The following RBFOX1 variants were observed in gnomAD, a reference collection of about 807,000 sequenced individuals.
RBFOX1 encodes the protein RNA binding protein fox-1 homolog 1.
RBFOX1 carries 8 observed loss-of-function variants against 57.7 expected under a neutral mutation model. The ratio of observed to expected loss-of-function variants is 0.14; its 90% CI spans 0.08 to 0.25. The LOEUF (loss-of-function observed/expected upper bound fraction) is 0.25, where lower values mean the gene tolerates loss of function less well. Among genes scored for constraint, RBFOX1 ranks in the 10% least tolerant of loss-of-function variants. RBFOX1 has a pLI of 1.00. For missense variants in RBFOX1, 611 were observed against 548.5 expected (o/e 1.11, Z -1.14); for synonymous variants, 326 against 222.4 (o/e 1.47, Z -4.15).
chr16:7,466,376 A>C (rs2060522452), intron 4 of RBFOX1, among the ~76,000 whole-genome samples: 1 of 152,212 alleles, frequency 6.6e-6, no homozygotes, highest in African/African-American at 2.4e-5. Context: ...TAACTGCATT[A>C]TCTCATTAAA....
intron 3 of RBFOX1, among the ~76,000 whole-genome samples, chr16:5,638,642 C>T (rs1206957986): frequency 6.6e-6 from 1 of 152,108 alleles, no homozygotes; most frequent in African/African-American, 2.4e-5. Flanking sequence ...AGTTTTTATT[C>T]ACTGTAGATT....
At chr16:6,786,117 T>A (rs2154242113) in intron 3 of RBFOX1, among the ~76,000 whole-genome samples, 1 of 152,238 alleles carries the variant, frequency 6.6e-6, no homozygotes, top group South Asian at 2.1e-4. Flanking sequence ...TTGGCAAAAG[T>A]CTGCATGACT....
chr16:7,589,415 A>G (rs977577787), intron 7 of RBFOX1, among the ~76,000 whole-genome samples: 40 of 152,280 alleles, frequency 2.6e-4, no homozygotes, highest in African/African-American at 9.1e-4. Context: ...CGTCATTCCC[A>G]TGATTAGCCT....
intron 2 of RBFOX1, among the ~76,000 whole-genome samples, chr16:6,579,532 G>C (rs1407076113): frequency 1.3e-5 from 2 of 152,106 alleles, no homozygotes; most frequent in South Asian, 2.1e-4. Context: ...AAACCTAATG[G>C]TTTTGTAACG....
At chr16:7,396,482 C>T (rs115010011) in intron 4 of RBFOX1, among the ~76,000 whole-genome samples, 1,825 of 152,316 alleles carry the variant, frequency 0.012, 37 homozygotes, top group African/African-American at 0.042. Flanking sequence ...CTTCCCTACA[C>T]GTCCTGATTC....
At chr16:7,527,943 T>A (rs2079068478) in intron 5 of RBFOX1, among the ~76,000 whole-genome samples, 1 of 152,242 alleles carries the variant, frequency 6.6e-6, no homozygotes, top group Non-Finnish European at 1.5e-5. Context: ...TTCCGAGATT[T>A]ATTTTAAAGG....
intron 2 of RBFOX1, among the ~76,000 whole-genome samples, chr16:6,450,816 T>C (rs58919972): frequency 0.32 from 6,959 of 21,884 alleles, 1,574 homozygotes; most frequent in African/African-American, 0.37. Context: ...TATATATATA[T>C]ACATATATAT....
chr16:6,347,683 T>C (rs2085613114), intron 2 of RBFOX1, among the ~76,000 whole-genome samples: 1 of 152,190 alleles, frequency 6.6e-6, no homozygotes, highest in African/African-American at 2.4e-5. Flanking sequence ...CAACAATTAT[T>C]ATATCCTATG....
chr16:7,143,114 C>T (rs1267774955), intron 4 of RBFOX1, among the ~76,000 whole-genome samples: 1 of 151,898 alleles, frequency 6.6e-6, no homozygotes, highest in Non-Finnish European at 1.5e-5. Context: ...AAAATGTTTT[C>T]CATTTATTTT....
At chr16:6,859,130 C>CTTATATATATGT (rs1238966168) in intron 3 of RBFOX1, among the ~76,000 whole-genome samples, 2 of 82,480 alleles carry the variant, frequency 2.4e-5, no homozygotes, top group Admixed American at 1.4e-4. Context: ...TATATATATA[C>CTTATATATATGT]ATATATATAC....
At chr16:7,489,475 G>A (rs891997185) in intron 4 of RBFOX1, among the ~76,000 whole-genome samples, 2 of 151,448 alleles carry the variant, frequency 1.3e-5, no homozygotes, top group African/African-American at 4.9e-5. Context: ...CTATTTTGGA[G>A]ATTAAAAAAC....
At chr16:5,901,521 C>G (rs2058304730) in intron 4 of RBFOX1, among the ~76,000 whole-genome samples, 1 of 152,136 alleles carries the variant, frequency 6.6e-6, no homozygotes, top group South Asian at 2.1e-4. Flanking sequence ...ATGGTAGCCA[C>G]TCAATGCATG....
chr16:6,193,356 TTATATATA>T (rs61247347), intron 1 of RBFOX1, among the ~76,000 whole-genome samples: 1 of 64,584 alleles, frequency 1.5e-5, no homozygotes, highest in African/African-American at 4.6e-5. Flanking sequence ...TATATATACA[TTATATATA>T]TATATATATA....
chr16:6,894,140 ATGAT>A (rs1433451093), intron 3 of RBFOX1, among the ~76,000 whole-genome samples: 1 of 152,244 alleles, frequency 6.6e-6, no homozygotes, highest in African/African-American at 2.4e-5. Context: ...CAGAGATAGA[ATGAT>A]CTATAATTGC....
At chr16:5,518,240 A>G (rs2043868098) in intron 2 of RBFOX1, among the ~76,000 whole-genome samples, 1 of 152,190 alleles carries the variant, frequency 6.6e-6, no homozygotes, top group South Asian at 2.1e-4. Context: ...CTTCTCATAA[A>G]GTGCATCGTA....
chr16:6,947,816 G>T (rs772288520), intron 3 of RBFOX1, among the ~76,000 whole-genome samples: 1 of 151,972 alleles, frequency 6.6e-6, no homozygotes, highest in Non-Finnish European at 1.5e-5. Context: ...TTGCTCTGTC[G>T]CTCAAGCTGC....
chr16:6,904,313 T>G (rs958245011), intron 3 of RBFOX1, among the ~76,000 whole-genome samples: 3 of 151,984 alleles, frequency 2.0e-5, no homozygotes, highest in African/African-American at 7.3e-5. Context: ...AACCCATCCA[T>G]CTTTAGGCCA....
chr16:6,423,252 A>G (rs2093827085), intron 2 of RBFOX1, among the ~76,000 whole-genome samples: 2 of 152,210 alleles, frequency 1.3e-5, no homozygotes, highest in African/African-American at 4.8e-5. Context: ...CGCAAGCTGC[A>G]GAGAAACTTT....
rs150952169 is a variant in RBFOX1, at chr16:5,441,673, G to C, written c.220-25543G>C. On this transcript the variant is annotated intron_variant, in intron 1 of 2. Transcript: ENST00000585867. ...AGCCACTGTTCCTGGCAGGAAAGAGGTTTAATTGACTCACAGTTCAGCATG... is the reference window on the plus strand; with the variant it reads ...AGCCACTGTTCCTGGCAGGAAAGAGCTTTAATTGACTCACAGTTCAGCATG... Among the ~76,000 whole-genome samples the C allele has an allele frequency of 3.9e-3, 594 of 152,174 alleles. 3 individuals carry two copies. Among genetic ancestry groups the C allele is most frequent in the African/African-American group, 0.014 (568 of 41,528 alleles).
Sources: allele counts gnomAD v4.1 joint callset (sites outside exome capture counted in the v4.1 genomes callset), GRCh38; gene constraint gnomAD v4.1.1; transcripts MANE v1.5; gene names NCBI Gene and HGNC (gene_info 2026-07-23, HGNC 2026-07-21).